The following IL15RA variants were observed in gnomAD, a reference collection of about 807,000 sequenced individuals.
IL15RA encodes the protein interleukin-15 receptor subunit alpha.
In IL15RA, 26 loss-of-function variants were observed where a neutral mutation model predicts 24.2. That is an observed-to-expected ratio of 1.07 (90% CI 0.79 to 1.49). The LOEUF (loss-of-function observed/expected upper bound fraction) is 1.49, where lower values mean the gene tolerates loss of function less well. Among genes scored for constraint, IL15RA ranks in the 40% most tolerant of loss-of-function variants. The probability of loss-of-function intolerance (pLI) is 0.00; values close to 1 mark genes in which losing one functional copy is unlikely to be tolerated. For synonymous variants in IL15RA, 166 were observed against 157.6 expected (o/e 1.05, Z -0.40); for missense variants, 354 against 356.4 (o/e 0.99, Z 0.05).
At position 5,964,046 on chromosome 10, in the gene IL15RA, A is replaced by G. The variant is rs1337971807; in HGVS notation, c.284-205T>C. Among the ~76,000 whole-genome samples, 1 of 152,262 alleles carries G rather than the reference A, an allele frequency of 6.6e-6. No homozygotes were observed. Among genetic ancestry groups the G allele is most frequent in the East Asian group, 1.9e-4 (1 of 5,202 alleles). ...GCAAACTATTTTTCTTGCATTTCCA[A>G]AAAGACTGCACAAGTTAAATATCAA... is the stretch of plus-strand genomic sequence containing the variant. On this transcript the variant is annotated intron_variant, in intron 2 of 6. Transcript: ENST00000379977. This position sits in a 1 kb window ranked among gnomAD's most constrained non-coding sequence, Gnocchi z 5.6.
rs533287801 is a variant in IL15RA, at chr10:5,972,824, C to T, written c.88+4581G>A. Reference sequence around the variant, plus strand: ...TTTGACAAATCTCATGTTTTATACACTCACGTTTTCACCACTTTTTTGCTA... The same window carrying T: ...TTTGACAAATCTCATGTTTTATACATTCACGTTTTCACCACTTTTTTGCTA... On this transcript the variant is annotated intron_variant, in intron 1 of 6. Transcript: ENST00000379977. 7.2e-5 allele frequency among the ~76,000 whole-genome samples: 11 copies of T among 152,304 alleles called. No individual in the cohort carries two copies. In the South Asian group the frequency reaches 2.3e-3, roughly 32 times the overall value.
rs982854071 is a variant in IL15RA, at chr10:5,971,767, G to C, written c.89-5428C>G. Among the ~76,000 whole-genome samples the C allele has an allele frequency of 6.6e-6, 1 of 152,102 alleles. No homozygotes were observed. Among genetic ancestry groups the C allele is most frequent in the Non-Finnish European group, 1.5e-5 (1 of 68,014 alleles). On this transcript the variant is annotated intron_variant, in intron 1 of 6. Transcript: ENST00000379977. This position sits in a 1 kb window ranked among gnomAD's most constrained non-coding sequence, Gnocchi z 5.5. ...CAGCCAAGTCAACACACTTCCTTTT[G>C]GAGTTCCCAAAAAGTACAGACTGTC...
In IL15RA at chr10:5,953,224, CA is replaced by C; in HGVS notation, c.693-19del. The C allele has an allele frequency of 6.3e-7, 1 of 1,594,832 alleles. No homozygotes were observed. Among genetic ancestry groups the C allele is most frequent in the South Asian group, 1.1e-5 (1 of 90,688 alleles). On this transcript the variant is annotated intron_variant, in intron 6 of 6. Transcript: ENST00000379977. This position sits in a 1 kb window ranked among gnomAD's most constrained non-coding sequence, Gnocchi z 5.3. ...GAGTTTGCCTGCAAAGCAGGTGGTT[CA>C]TAGGTTTTGAAAAGAGGAGGGGGTT...
chr10:5,973,018 A>T lies in IL15RA; in HGVS notation c.88+4387T>A, dbSNP rs889477842. 7.2e-5 allele frequency among the ~76,000 whole-genome samples: 11 copies of T among 152,252 alleles called. No homozygotes were observed. Among genetic ancestry groups the T allele is most frequent in the Non-Finnish European group, 1.5e-4 (10 of 68,038 alleles). ...GTGCACTTACACCTTACATAAAAAA[A>T]GCGAACTGAAATTGGTGGCTAGGGA... On this transcript the variant is annotated intron_variant, in intron 1 of 6. Coordinates refer to ENST00000379977, the MANE Select transcript of IL15RA (RefSeq NM_002189.4). This position sits in a 1 kb window ranked among gnomAD's most constrained non-coding sequence, Gnocchi z 4.5.
Position 5,973,094 on chromosome 10 carries a change from G to C in IL15RA, c.88+4311C>G, listed in dbSNP as rs8177772. Among the ~76,000 whole-genome samples, 2 of 152,144 alleles carry C rather than the reference G, an allele frequency of 1.3e-5. No individual in the cohort carries two copies. The highest frequency in any genetic ancestry group is 4.8e-5 in the African/African-American group (2 of 41,430). ...TCTCAGTTGCTTCTGGCCATCGCCCGCAATCTTTCAGACTGAAATGCTCTC... is the reference window on the plus strand; with the variant it reads ...TCTCAGTTGCTTCTGGCCATCGCCCCCAATCTTTCAGACTGAAATGCTCTC... On this transcript the variant is annotated intron_variant, in intron 1 of 6. Transcript: ENST00000379977. This position sits in a 1 kb window ranked among gnomAD's most constrained non-coding sequence, Gnocchi z 4.5.
chr10:5,969,935 C>A (rs866617720), intron 1 of IL15RA, among the ~76,000 whole-genome samples: 49 of 152,164 alleles, frequency 3.2e-4, no homozygotes, highest in African/African-American at 1.1e-3. Flanking sequence ...TATGTCACTG[C>A]AAATGGTATG....
At position 5,968,102 on chromosome 10, in the gene IL15RA, A is replaced by G. The variant is rs1327116581; in HGVS notation, c.89-1763T>C. On this transcript the variant is annotated intron_variant, in intron 1 of 6. Transcript: ENST00000379977. The surrounding 1 kb of genome is among the most constrained non-coding windows in gnomAD (Gnocchi z 5.4). ...CCAAAAACCAACAAACCAACCAAAC[A>G]AAAAACATTAGCAACAAATGCCAAA... 6.6e-6 allele frequency among the ~76,000 whole-genome samples: 1 copy of G among 152,158 alleles called. No homozygotes were observed. Among genetic ancestry groups the G allele is most frequent in the Non-Finnish European group, 1.5e-5 (1 of 68,036 alleles).
intron 6 of IL15RA, 42 bp downstream of exon 6, chr10:5,956,337 G>C (rs1834513819): frequency 6.7e-7 from 1 of 1,500,516 alleles, no homozygotes; most frequent in Non-Finnish European, 9.3e-7. Flanking sequence ...TTTCTCATGG[G>C]GAAGTCTAAC....
chr10:5,951,995 C>A (rs1318312053), downstream of IL15RA, among the ~76,000 whole-genome samples: 3 of 152,122 alleles, frequency 2.0e-5, no homozygotes, highest in Non-Finnish European at 4.4e-5. Context: ...CTGGCATTAA[C>A]CAAGCTTCAT....
rs1395130775 is a variant in IL15RA at position 5,968,866 on chromosome 10, C to T, written c.89-2527G>A. The T allele has an allele frequency of 8.7e-7, 1 of 1,152,620 alleles. No individual in the cohort carries two copies. The highest frequency in any genetic ancestry group is 1.3e-5 in the South Asian group (1 of 76,340). The allele number at this position is 1,152,620 out of a possible 1,614,324, so 71.4% of individuals were successfully genotyped here. A position where few individuals can be genotyped will look rare whatever the true frequency, so the allele number is the denominator to read the frequency against. ...ACGCAGGCCTCGTGTGTCTGGACCT[C>T]ATGGTTGAAGCTTTCAGATATTCTG... On this transcript the variant is annotated intron_variant, in intron 1 of 6. Transcript: ENST00000379977. This position sits in a 1 kb window ranked among gnomAD's most constrained non-coding sequence, Gnocchi z 5.4.
chr10:5,970,214 A>G lies in IL15RA; in HGVS notation c.89-3875T>C, dbSNP rs1336524793. 6.6e-6 allele frequency among the ~76,000 whole-genome samples: 1 copy of G among 152,104 alleles called. No homozygotes were observed. The highest frequency in any genetic ancestry group is 1.5e-5 in the Non-Finnish European group (1 of 68,016). Reference sequence around the variant, plus strand: ...GGTGTCCACTATATATCTTTACCTTATCACAGTTTTCCTTCCGGTGATGTT... The same window carrying G: ...GGTGTCCACTATATATCTTTACCTTGTCACAGTTTTCCTTCCGGTGATGTT... On this transcript the variant is annotated intron_variant, in intron 1 of 6. Coordinates refer to ENST00000379977, the MANE Select transcript of IL15RA (RefSeq NM_002189.4). The surrounding 1 kb of genome is among the most constrained non-coding windows in gnomAD (Gnocchi z 4.1).
Position 5,963,598 on chromosome 10 carries a change from T to C in IL15RA, c.382+145A>G, listed in dbSNP as rs993670224. 29 of 481,132 alleles carry C rather than the reference T, an allele frequency of 6.0e-5. No homozygotes were observed. Among genetic ancestry groups the C allele is most frequent in the African/African-American group, 1.0e-4 (5 of 49,094 alleles). 29.8% of individuals were successfully genotyped at this position (481,132 alleles called of 1,614,324 possible). On this transcript the variant is annotated intron_variant, in intron 3 of 6. Transcript: ENST00000379977. The surrounding 1 kb of genome is among the most constrained non-coding windows in gnomAD (Gnocchi z 5.3). ...AAAAGAAAATTAAGTTGGACGTTCT[T>C]ATTCTTGATTGAATAAGACGTTTGC...
rs910344347 is a variant in IL15RA, at chr10:5,968,900, C to T, written c.89-2561G>A. On this transcript the variant is annotated intron_variant, in intron 1 of 6. Coordinates refer to ENST00000379977, the MANE Select transcript of IL15RA (RefSeq NM_002189.4). The surrounding 1 kb of genome is among the most constrained non-coding windows in gnomAD (Gnocchi z 5.4). Reference sequence around the variant, plus strand: ...AGCTTTCAGATATTCTGCTCCTTCCCGCCAGGACAGCCAGCCTGTCTCTTG... The same window carrying T: ...AGCTTTCAGATATTCTGCTCCTTCCTGCCAGGACAGCCAGCCTGTCTCTTG... 1.3e-5 allele frequency: 19 copies of T among 1,450,488 alleles called. No individual in the cohort carries two copies. The highest frequency in any genetic ancestry group is 2.8e-5 in the African/African-American group (2 of 71,466). 89.9% of individuals were successfully genotyped at this position (1,450,488 alleles called of 1,614,324 possible). A position where few individuals can be genotyped will look rare whatever the true frequency, so the allele number is the denominator to read the frequency against.
chr10:5,971,152 T>G lies in IL15RA; in HGVS notation c.89-4813A>C, dbSNP rs1329930009. On this transcript the variant is annotated intron_variant, in intron 1 of 6. Transcript: ENST00000379977. This position sits in a 1 kb window ranked among gnomAD's most constrained non-coding sequence, Gnocchi z 5.5. Reference sequence around the variant, plus strand: ...AACAAGTCTCACCTTGTTTACAATATTATAAGCTCCTTGCAGATGGTATGT... The same window carrying G: ...AACAAGTCTCACCTTGTTTACAATAGTATAAGCTCCTTGCAGATGGTATGT... Among the ~76,000 whole-genome samples, 2 of 152,240 alleles carry G rather than the reference T, an allele frequency of 1.3e-5. No homozygotes were observed. The highest frequency in any genetic ancestry group is 2.9e-5 in the Non-Finnish European group (2 of 68,032).
chr10:5,950,711 T>A (rs555013689), downstream of IL15RA: 3 of 152,436 alleles, frequency 2.0e-5, no homozygotes. The surrounding 1 kb of genome is among the most constrained non-coding windows in gnomAD (Gnocchi z 5.6). Context: ...GTCAGGGGCC[T>A]GGCAGTTTCT....
rs1299209113 is a variant in IL15RA, at chr10:5,961,978, C to T, written c.383-1411G>A. Among the ~76,000 whole-genome samples the T allele has an allele frequency of 2.0e-5, 3 of 152,230 alleles. No homozygotes were observed. The highest frequency in any genetic ancestry group is 7.2e-5 in the African/African-American group (3 of 41,458). On this transcript the variant is annotated intron_variant, in intron 3 of 6. Transcript: ENST00000379977. The surrounding 1 kb of genome is among the most constrained non-coding windows in gnomAD (Gnocchi z 5.2). The stretch of plus-strand genomic sequence containing the variant: ...ACAGGACGCACCAAGGCATCCTCAG[C>T]CAAGTGCCCACGGTCGTGCCAGCTC...
At chr10:5,957,624 A>C (rs185295650) in intron 5 of IL15RA, among the ~76,000 whole-genome samples, 5,382 of 131,652 alleles carry the variant, frequency 0.041, 113 homozygotes, top group Middle Eastern at 0.087. Context: ...ACGGAATCTC[A>C]CTGTGTTGCC....
At position 5,971,514 on chromosome 10, in the gene IL15RA, C is replaced by T. The variant is rs1205896914; in HGVS notation, c.89-5175G>A. Among the ~76,000 whole-genome samples the T allele has an allele frequency of 2.6e-5, 4 of 152,202 alleles. No individual in the cohort carries two copies. Among genetic ancestry groups the T allele is most frequent in the Non-Finnish European group, 4.4e-5 (3 of 68,036 alleles). Reference sequence around the variant, plus strand: ...CAGAGTTCAGAGGTTGTCGGGTTAGCGTGGCTCCCAATCCTGTGAGCAGAG... The same window carrying T: ...CAGAGTTCAGAGGTTGTCGGGTTAGTGTGGCTCCCAATCCTGTGAGCAGAG... On this transcript the variant is annotated intron_variant, in intron 1 of 6. Transcript: ENST00000379977. This position sits in a 1 kb window ranked among gnomAD's most constrained non-coding sequence, Gnocchi z 5.5.
Position 5,975,282 on chromosome 10 carries a change from C to T in IL15RA, c.88+2123G>A, listed in dbSNP as rs926485319. ...ACTAATGAACTACTTATACAAATTACAACATGGATAAATTCTCAGGATAAT... is the reference window on the plus strand; with the variant it reads ...ACTAATGAACTACTTATACAAATTATAACATGGATAAATTCTCAGGATAAT... On this transcript the variant is annotated intron_variant, in intron 1 of 6. Transcript: ENST00000379977. This position sits in a 1 kb window ranked among gnomAD's most constrained non-coding sequence, Gnocchi z 4.8. Among the ~76,000 whole-genome samples, 1 of 152,156 alleles carries T rather than the reference C, an allele frequency of 6.6e-6. No individual in the cohort carries two copies. The highest frequency in any genetic ancestry group is 2.4e-5 in the African/African-American group (1 of 41,424).
Sources: gnomAD v4.1 joint callset for allele counts (sites outside exome capture counted in the v4.1 genomes callset) on GRCh38, gnomAD v4.1.1 for gene constraint, Gnocchi (gnomAD v3.1) non-coding constraint, MANE v1.5 for transcripts, NCBI Gene and HGNC (gene_info 2026-07-23, HGNC 2026-07-21) for gene names.